Variants in CARM1 observed in about 807,000 individuals in gnomAD.
CARM1 encodes the protein coactivator associated arginine methyltransferase 1, also known as histone-arginine methyltransferase CARM1.
A neutral mutation model predicts 72.7 loss-of-function variants in CARM1; 14 were observed. The observed-to-expected ratio is 0.19, with a 90% CI of 0.13 to 0.30. CARM1 has a LOEUF of 0.30. Ranked by LOEUF, CARM1 falls within the 10% of genes least tolerant of loss-of-function variation. The pLI, the probability that CARM1 is intolerant of heterozygous loss-of-function variation, is 1.00. For synonymous variants in CARM1, 333 were observed against 345.5 expected (o/e 0.96, Z 0.40); for missense variants, 432 against 833.7 (o/e 0.52, Z 5.93).
intron 5 of CARM1, among the ~76,000 whole-genome samples, chr19:10,913,501 A>G (rs2074170408): frequency 6.6e-6 from 1 of 151,658 alleles, no homozygotes; most frequent in African/African-American, 2.4e-5. Flanking sequence ...TGGCGCCACT[A>G]CCACCTCCAG....
chr19:10,912,372 G>A lies in CARM1; in HGVS notation c.669+78G>A, dbSNP rs1599706657. 18 of 1,040,460 alleles carry A rather than the reference G, an allele frequency of 1.7e-5. No individual in the cohort carries two copies. The East Asian group carries it at 4.3e-4, about 25-fold the overall frequency. 64.5% of individuals were successfully genotyped at this position (1,040,460 alleles called of 1,614,324 possible). ...GCCGGCCCCAGCCTAGAGAAGCTTG[G>A]GAACCCCCAGGGGCCTGGGGACATT... On this transcript the variant is annotated intron_variant, in intron 5 of 15. Coordinates refer to ENST00000327064, the MANE Select transcript of CARM1 (RefSeq NM_199141.2). This position sits in a 1 kb window ranked among gnomAD's most constrained non-coding sequence, Gnocchi z 4.5.
At chr19:10,891,537 C>T (rs1470670627) in intron 1 of CARM1, among the ~76,000 whole-genome samples, 2 of 152,208 alleles carry the variant, frequency 1.3e-5, no homozygotes, top group Non-Finnish European at 2.9e-5. Context: ...TGTCCGCCAG[C>T]CTCCAGCTGG....
rs2074028363 is a variant in CARM1, at chr19:10,896,955, A to G, written c.221-7996A>G. ...TTCCGGGTTTTGCAAATGAAGCTTTATGGGCACACAGCCATGCTCATTTGT... is the reference window on the plus strand; with the variant it reads ...TTCCGGGTTTTGCAAATGAAGCTTTGTGGGCACACAGCCATGCTCATTTGT... On this transcript the variant is annotated intron_variant, in intron 1 of 15. Transcript: ENST00000327064. This position sits in a 1 kb window ranked among gnomAD's most constrained non-coding sequence, Gnocchi z 5.2. Among the ~76,000 whole-genome samples, 1 of 152,172 alleles carries G rather than the reference A, an allele frequency of 6.6e-6. No homozygotes were observed. Among genetic ancestry groups the G allele is most frequent in the Non-Finnish European group, 1.5e-5 (1 of 68,032 alleles).
At chr19:10,918,788 A>G (rs2074217864) in intron 8 of CARM1, among the ~76,000 whole-genome samples, 1 of 152,130 alleles carries the variant, frequency 6.6e-6, no homozygotes, top group Non-Finnish European at 1.5e-5. Flanking sequence ...CCATGGGGAA[A>G]AGGTAGAGGC....
intron 1 of CARM1, among the ~76,000 whole-genome samples, chr19:10,888,613 G>C (rs943190025): frequency 6.6e-6 from 1 of 152,114 alleles, no homozygotes; most frequent in Non-Finnish European, 1.5e-5. Context: ...GGTGCAGGCC[G>C]GTTTTGTGGC....
chr19:10,906,233 C>G (rs1179497740), intron 2 of CARM1, among the ~76,000 whole-genome samples: 1 of 152,076 alleles, frequency 6.6e-6, no homozygotes, highest in Non-Finnish European at 1.5e-5. Context: ...GGATTACAGG[C>G]ATGAGCCACT....
chr19:10,920,297 G>A lies in CARM1; in HGVS notation c.1197-139G>A, dbSNP rs1046570487. 27 of 1,002,936 alleles carry A rather than the reference G, an allele frequency of 2.7e-5. No individual in the cohort carries two copies. The African/African-American group carries it at 3.8e-4, about 14-fold the overall frequency. 62.1% of individuals were successfully genotyped at this position (1,002,936 alleles called of 1,614,324 possible). On this transcript the variant is annotated intron_variant, in intron 10 of 15. Coordinates refer to ENST00000327064, the MANE Select transcript of CARM1 (RefSeq NM_199141.2). This position sits in a 1 kb window ranked among gnomAD's most constrained non-coding sequence, Gnocchi z 5.3. ...TGTTTGTGTCTGGGACTGCCTGGGG[G>A]CCAGCCTGTCTCTGCTCCAGGGTCC... is the stretch of plus-strand genomic sequence containing the variant.
chr19:10,894,956 G>A lies in CARM1; in HGVS notation c.221-9995G>A, dbSNP rs1247548225. Among the ~76,000 whole-genome samples the A allele has an allele frequency of 2.6e-5, 4 of 151,962 alleles. No homozygotes were observed. In the East Asian group the frequency reaches 7.7e-4, roughly 29 times the overall value. ...GATGGGGTCTCACTGTGTTACCCAG[G>A]CTGGTCTCAAACTCCTGGGCTCAAG... On this transcript the variant is annotated intron_variant, in intron 1 of 15. Coordinates refer to ENST00000327064, the MANE Select transcript of CARM1 (RefSeq NM_199141.2).
At position 10,916,411 on chromosome 19, in the gene CARM1, C is replaced by T; in HGVS notation, c.852C>T (p.Asn284=). The T allele has an allele frequency of 6.2e-7, 1 of 1,612,318 alleles. No homozygotes were observed. The highest frequency in any genetic ancestry group is 8.5e-7 in the Non-Finnish European group (1 of 1,178,554). ...HAKKYLKPSG[N]MFPTIGDVHL... Reference sequence around the variant, plus strand: ...CCCTCCCTGCCCCACTCCCAGGAAACATGTTTCCTACCATTGGTGACGTCC... The same window carrying T: ...CCCTCCCTGCCCCACTCCCAGGAAATATGTTTCCTACCATTGGTGACGTCC... The change falls in exon 7 of 16, where the codon AAC becomes AAT. Residue 284 remains asparagine, a synonymous_variant. Coordinates refer to ENST00000327064, the MANE Select transcript of CARM1 (RefSeq NM_199141.2). This position sits in a 1 kb window ranked among gnomAD's most constrained non-coding sequence, Gnocchi z 4.4.
Position 10,916,274 on chromosome 19 carries a change from CAGG to C in CARM1, c.848-130_848-128del, listed in dbSNP as rs1448685542. 1.6e-6 allele frequency: 1 copy of C among 639,936 alleles called. No homozygotes were observed. Among genetic ancestry groups the C allele is most frequent in the Non-Finnish European group, 2.8e-6 (1 of 353,710 alleles). 39.6% of individuals were successfully genotyped at this position (639,936 alleles called of 1,614,324 possible). A position where few individuals can be genotyped will look rare whatever the true frequency, so the allele number is the denominator to read the frequency against. ...GAATAGGCGCTCGGTGCCACTGTCA[CAGG>C]AGTGCAGGAACGAATGGATGACAGG... On this transcript the variant is annotated intron_variant, in intron 6 of 15. Transcript: ENST00000327064. The surrounding 1 kb of genome is among the most constrained non-coding windows in gnomAD (Gnocchi z 4.4).
chr19:10,882,534 CTTTTTTTTTT>C (rs869046901), intron 1 of CARM1, among the ~76,000 whole-genome samples: 6 of 85,942 alleles, frequency 7.0e-5, no homozygotes, highest in Non-Finnish European at 1.3e-4. Flanking sequence ...TGCACTCTGT[CTTTTTTTTTT>C]TTTTTTTTTT....
chr19:10,885,438 CAT>C (rs752304862), intron 1 of CARM1, among the ~76,000 whole-genome samples: 6 of 152,216 alleles, frequency 3.9e-5, no homozygotes, highest in African/African-American at 1.4e-4. Context: ...ATGTGTTACA[CAT>C]GTGCAAGCGT....
chr19:10,909,691 C>T (rs543644450), intron 4 of CARM1, among the ~76,000 whole-genome samples: 2 of 148,916 alleles, frequency 1.3e-5, no homozygotes, highest in African/African-American at 2.5e-5. Context: ...GAGCTGAGAT[C>T]GCGCCACTGC....
intron 3 of CARM1, 84 bp downstream of exon 3, chr19:10,908,229 G>A (rs1028747246): frequency 3.4e-6 from 3 of 877,582 alleles, no homozygotes; most frequent in Admixed American, 3.7e-5. Context: ...ACAGCACAGG[G>A]AAGGCCCACC....
At chr19:10,914,775 C>T (rs1406321726) in intron 6 of CARM1, among the ~76,000 whole-genome samples, 2 of 152,132 alleles carry the variant, frequency 1.3e-5, no homozygotes, top group African/African-American at 2.4e-5. Flanking sequence ...AGGCTGGTCA[C>T]GAACTCCTGA....
intron 4 of CARM1, among the ~76,000 whole-genome samples, chr19:10,910,738 G>A (rs977872780): frequency 4.0e-5 from 6 of 151,324 alleles, no homozygotes; most frequent in Admixed American, 1.3e-4. Flanking sequence ...GCAGATTTTT[G>A]TATTTTTGGT....
chr19:10,916,674 T>TG lies in CARM1; in HGVS notation c.939-17dup. The TG allele has an allele frequency of 6.4e-6, 10 of 1,566,266 alleles. No individual in the cohort carries two copies. Among genetic ancestry groups the TG allele is most frequent in the Non-Finnish European group, 7.8e-6 (9 of 1,154,222 alleles). On this transcript the variant is annotated intron_variant, in intron 7 of 15. Transcript: ENST00000327064. This position sits in a 1 kb window ranked among gnomAD's most constrained non-coding sequence, Gnocchi z 4.4. ...CTCTTCTGCAGCCCTGACCTTGCTG[T>TG]GGGGGTGGGGCCTGTCCACAGGTAC...
chr19:10,889,626 G>C (rs1248571360), intron 1 of CARM1, among the ~76,000 whole-genome samples: 1 of 151,984 alleles, frequency 6.6e-6, no homozygotes, highest in Non-Finnish European at 1.5e-5. Flanking sequence ...ACCATGCCTG[G>C]CCCAGAATTG....
Position 10,911,318 on chromosome 19 carries a change from C to T in CARM1, c.559-866C>T, listed in dbSNP as rs569097241. Among the ~76,000 whole-genome samples, 9 of 152,306 alleles carry T rather than the reference C, an allele frequency of 5.9e-5. 1 individual carries two copies. Among genetic ancestry groups the T allele is most frequent in the South Asian group, 4.1e-4 (2 of 4,832 alleles). ...GTCACGCCCCCCTAGCATCGCTTAC[C>T]GTCCCAGAGGATGGTAGGCCTTGGG... On this transcript the variant is annotated intron_variant, in intron 4 of 15. Coordinates refer to ENST00000327064, the MANE Select transcript of CARM1 (RefSeq NM_199141.2).
Sources: allele counts gnomAD v4.1 joint callset (sites outside exome capture counted in the v4.1 genomes callset), GRCh38; gene constraint gnomAD v4.1.1; non-coding constraint Gnocchi (gnomAD v3.1); transcripts MANE v1.5; gene names NCBI Gene and HGNC (gene_info 2026-07-23, HGNC 2026-07-21).